The following PRKN variants were observed in gnomAD, a reference collection of about 807,000 sequenced individuals.
The protein encoded by PRKN is E3 ubiquitin-protein ligase parkin.
In PRKN, 56 loss-of-function variants were observed where a neutral mutation model predicts 59.5. The ratio of observed to expected loss-of-function variants is 0.94; its 90% confidence interval spans 0.76 to 1.18. The LOEUF (loss-of-function observed/expected upper bound fraction) is 1.18, where lower values mean the gene tolerates loss of function less well. PRKN is among the 50% of genes most tolerant of loss of function. PRKN has a pLI of 0.00. For synonymous variants in PRKN, 250 were observed against 222.1 expected, an observed-to-expected ratio of 1.13 and a Z score of -1.12; for missense variants, 657 against 596.4, an observed-to-expected ratio of 1.10 and a Z score of -1.06.
At chr6:162,602,664 T>C (rs1781757863) in intron 1 of PRKN, among the ~76,000 whole-genome samples, 1 of 152,214 alleles carries the variant, frequency 6.6e-6, no homozygotes, top group African/African-American at 2.4e-5. Flanking sequence ...ATCATAGAAG[T>C]GGGCTAGAAA....
intron 4 of PRKN, among the ~76,000 whole-genome samples, chr6:162,055,005 T>C (rs1777799601): frequency 6.6e-6 from 1 of 152,022 alleles, no homozygotes; most frequent in African/African-American, 2.4e-5. Flanking sequence ...GTACTAAAAA[T>C]ACAAAAATTA....
rs1780088125 is a variant in PRKN at position 161,552,803 on chromosome 6, T to TTG, written c.934-3801_934-3800insCA. 6.7e-6 allele frequency among the ~76,000 whole-genome samples: 1 copy of TTG among 149,760 alleles called. No individual in the cohort carries two copies. The highest frequency in any genetic ancestry group is 1.5e-5 in the Non-Finnish European group (1 of 67,372). On this transcript the variant is annotated intron_variant, in intron 8 of 11. Transcript: ENST00000366898. The surrounding 1 kb of genome is among the most constrained non-coding windows in gnomAD (Gnocchi z 4.9). ...TTTGTTGTTGTTTTTGTTTTTTGTT[T>TTG]TTTTTTTTTAGACGGAGTCTCGTTG...
intron 2 of PRKN, among the ~76,000 whole-genome samples, chr6:162,329,270 G>A (rs563953129): frequency 6.6e-6 from 1 of 152,086 alleles, no homozygotes; most frequent in Non-Finnish European, 1.5e-5. Context: ...GGACCCAGCA[G>A]TCCTTGAGCC....
intron 7 of PRKN, among the ~76,000 whole-genome samples, chr6:161,615,179 G>A (rs965717944): frequency 6.6e-6 from 1 of 152,066 alleles, no homozygotes; most frequent in Non-Finnish European, 1.5e-5. Flanking sequence ...GAGATGATAA[G>A]CATATAGAGA....
intron 7 of PRKN, among the ~76,000 whole-genome samples, chr6:161,639,349 T>A (rs1300125749): frequency 6.6e-6 from 1 of 152,146 alleles, no homozygotes; most frequent in African/African-American, 2.4e-5. Context: ...TACGTTCACA[T>A]CTTGAAAAGC....
intron 3 of PRKN, among the ~76,000 whole-genome samples, chr6:162,204,726 T>TC (rs397886973): frequency 4.0e-5 from 6 of 151,704 alleles, no homozygotes; most frequent in South Asian, 2.1e-4. Context: ...TTTTTTTTTT[T>TC]CCTGCAGAGA....
chr6:162,303,691 A>G (rs1782073745), intron 2 of PRKN, among the ~76,000 whole-genome samples: 1 of 152,224 alleles, frequency 6.6e-6, no homozygotes. Context: ...TTTACAAAAG[A>G]TGTCTGTAAA....
At chr6:161,589,992 T>C (rs1306673086) in intron 7 of PRKN, among the ~76,000 whole-genome samples, 1 of 151,678 alleles carries the variant, frequency 6.6e-6, no homozygotes, top group Non-Finnish European at 1.5e-5. Context: ...TTTCACCATG[T>C]TGGCCAGGCT....
In PRKN at chr6:162,560,852, G is replaced by GCAAAAAAAAAAAA. The variant is rs377039858; in HGVS notation, c.8-117392_8-117380dup. ...TCAATTAAAGCCCAGAGAGAGAGAG[G>GCAAAAAAAAAAAA]CAAAAAAAAAAAAAACCCAGGTCAT... is the stretch of plus-strand genomic sequence containing the variant. On this transcript the variant is annotated intron_variant, in intron 1 of 11. Coordinates refer to ENST00000366898, the MANE Select transcript of PRKN (RefSeq NM_004562.3). 4.5e-3 allele frequency among the ~76,000 whole-genome samples: 13 copies of GCAAAAAAAAAAAA among 2,898 alleles called. 1 individual carries two copies. The highest frequency in any genetic ancestry group is 7.7e-3 in the Non-Finnish European group (11 of 1,430). 1.9% of individuals were successfully genotyped at this position (2,898 alleles called of 152,430 possible).
At chr6:161,994,892 T>C (rs1455425256) in intron 5 of PRKN, among the ~76,000 whole-genome samples, 1 of 149,140 alleles carries the variant, frequency 6.7e-6, no homozygotes, top group African/African-American at 2.5e-5. Context: ...GCAATCCCTA[T>C]CAAAATAACA....
chr6:162,235,961 G>GAAAGAAAAAGAAAGAAAGAAAGAAAGA (rs1554288856), intron 3 of PRKN, among the ~76,000 whole-genome samples: 1,462 of 54,292 alleles, frequency 0.027, 72 homozygotes, highest in South Asian at 0.098. Context: ...AAGAAAGGAA[G>GAAAGAAAAAGAAAGAAAGAAAGAAAGA]AAAGAAAGAA....
At chr6:161,383,149 A>G (rs1434370278) in intron 10 of PRKN, among the ~76,000 whole-genome samples, 4 of 152,238 alleles carry the variant, frequency 2.6e-5, no homozygotes, top group African/African-American at 7.2e-5. Flanking sequence ...TTTCAGGTCA[A>G]TGAAACTGCA....
chr6:161,408,562 A>G (rs1010639030), intron 9 of PRKN, among the ~76,000 whole-genome samples: 1 of 144,834 alleles, frequency 6.9e-6, no homozygotes, highest in African/African-American at 2.6e-5. Context: ...AAACTCTTTC[A>G]TTTTTCCACT....
At chr6:162,561,758 G>A (rs1261196039) in intron 1 of PRKN, among the ~76,000 whole-genome samples, 1 of 152,126 alleles carries the variant, frequency 6.6e-6, no homozygotes, top group Non-Finnish European at 1.5e-5. Flanking sequence ...CCATGCCAGG[G>A]GGAATGCAGA....
intron 6 of PRKN, among the ~76,000 whole-genome samples, chr6:161,850,843 G>A (rs1041780516): frequency 2.0e-5 from 3 of 152,116 alleles, no homozygotes; most frequent in African/African-American, 7.2e-5. Context: ...TCATACTAAT[G>A]TGGGGTGGAA....
chr6:162,616,365 T>C (rs1368319921), intron 1 of PRKN, among the ~76,000 whole-genome samples: 7 of 152,040 alleles, frequency 4.6e-5, no homozygotes, highest in Admixed American at 4.6e-4. Context: ...CAATCAATCC[T>C]TGCTGAATAA....
intron 1 of PRKN, among the ~76,000 whole-genome samples, chr6:162,558,215 T>C (rs1779688786): frequency 6.6e-6 from 1 of 152,202 alleles, no homozygotes; most frequent in Non-Finnish European, 1.5e-5. Flanking sequence ...TTATCAGGAA[T>C]CTCAAAGAAA....
At chr6:162,220,986 G>A (rs1777905576) in intron 3 of PRKN, among the ~76,000 whole-genome samples, 1 of 152,210 alleles carries the variant, frequency 6.6e-6, no homozygotes, top group Admixed American at 6.5e-5. Context: ...TCTCTGGTGA[G>A]TGTTTATTTT....
chr6:161,977,955 T>A (rs1172487384), intron 5 of PRKN, among the ~76,000 whole-genome samples: 10 of 151,564 alleles, frequency 6.6e-5, no homozygotes, highest in African/African-American at 2.2e-4. Context: ...GACAGACCCA[T>A]GGAGAATTGC....
Sources: allele counts gnomAD v4.1 joint callset (sites outside exome capture counted in the v4.1 genomes callset), GRCh38; gene constraint gnomAD v4.1.1; non-coding constraint Gnocchi (gnomAD v3.1); transcripts MANE v1.5; gene names NCBI Gene and HGNC (gene_info 2026-07-23, HGNC 2026-07-21).